Variants in CUX2 observed in about 807,000 individuals in gnomAD.
The protein encoded by CUX2 is homeobox protein cut-like 2.
In CUX2, 40 loss-of-function variants were observed where a neutral mutation model predicts 144.8. The observed-to-expected ratio is 0.28, with a 90% CI of 0.21 to 0.36. The LOEUF (loss-of-function observed/expected upper bound fraction) is 0.36, where lower values mean the gene tolerates loss of function less well. Among genes scored for constraint, CUX2 ranks in the 10% least tolerant of loss-of-function variants. CUX2 has a pLI of 1.00. For synonymous variants in CUX2, 827 were observed against 875.6 expected (o/e 0.94, Z 0.98); for missense variants, 1,615 against 1,994.0 (o/e 0.81, Z 3.62).
chr12:111,126,053 C>T (rs7974793), intron 1 of CUX2, among the ~76,000 whole-genome samples: 2 of 138,692 alleles, frequency 1.4e-5, no homozygotes, highest in East Asian at 2.0e-4. Context: ...GTGGGGGGGG[C>T]GGATTTATTA....
intron 1 of CUX2, among the ~76,000 whole-genome samples, chr12:111,045,068 C>T (rs1019416999): frequency 2.0e-5 from 3 of 152,202 alleles, no homozygotes; most frequent in Non-Finnish European, 4.4e-5. Context: ...AGATGGCTGT[C>T]ATCCAGGACA....
chr12:111,078,743 C>T (rs1043731801), intron 1 of CUX2, among the ~76,000 whole-genome samples: 6 of 152,020 alleles, frequency 3.9e-5, no homozygotes, highest in African/African-American at 1.4e-4. Flanking sequence ...AGGTTTTGAA[C>T]AGGGGGGTGG....
rs1878959159 is a variant in CUX2 at position 111,178,009 on chromosome 12, A to G, written c.64-36191A>G. 6.6e-6 allele frequency among the ~76,000 whole-genome samples: 1 copy of G among 152,248 alleles called. No homozygotes were observed. Among genetic ancestry groups the G allele is most frequent in the African/African-American group, 2.4e-5 (1 of 41,464 alleles). On this transcript the variant is annotated intron_variant, in intron 1 of 21. Transcript: ENST00000261726. This position sits in a 1 kb window ranked among gnomAD's most constrained non-coding sequence, Gnocchi z 5.7. ...TGTTTGTTCTTATTGTTGTTTGCCA[A>G]TAAGAAATACACATCCAAAGAATGA...
intron 3 of CUX2, among the ~76,000 whole-genome samples, chr12:111,224,562 C>T (rs1446162605): frequency 1.4e-5 from 2 of 142,600 alleles, no homozygotes; most frequent in African/African-American, 5.3e-5. Flanking sequence ...TTTGCTCTTC[C>T]AGCTGTCTTT....
chr12:111,308,158 AT>A (rs1213649842), intron 12 of CUX2, 126 bp from the exon 13 acceptor site: 2 of 1,040,156 alleles, frequency 1.9e-6, no homozygotes, highest in Non-Finnish European at 2.9e-6. Context: ...TGACTCTGGA[AT>A]TAATGGGGTT....
chr12:111,100,115 A>G (rs1437439307), intron 1 of CUX2: 1 of 454,718 alleles, frequency 2.2e-6, no homozygotes, highest in East Asian at 7.0e-5. Context: ...GGAGCTGCCC[A>G]GGGTGAGTGC....
chr12:111,322,632 G>A lies in CUX2; in HGVS notation c.2926+52G>A, dbSNP rs576685295. The A allele has an allele frequency of 1.3e-5, 21 of 1,580,776 alleles. No individual in the cohort carries two copies. The highest frequency in any genetic ancestry group is 5.7e-5 in the South Asian group (5 of 87,874). On this transcript the variant is annotated intron_variant, in intron 18 of 21. Transcript: ENST00000261726. This position sits in a 1 kb window ranked among gnomAD's most constrained non-coding sequence, Gnocchi z 4.2. Reference sequence around the variant, plus strand: ...GGGTGCTGGCAAACTTCCCACCTGCGCAGTGGCATGTCCGCCTGGCTTTAC... The same window carrying A: ...GGGTGCTGGCAAACTTCCCACCTGCACAGTGGCATGTCCGCCTGGCTTTAC...
In CUX2 at chr12:111,341,950, G is replaced by T; in HGVS notation, c.3556G>T (p.Ala1186Ser). 1.2e-6 allele frequency: 2 copies of T among 1,614,106 alleles called. No individual in the cohort carries two copies. Among genetic ancestry groups the T allele is most frequent in the Non-Finnish European group, 1.7e-6 (2 of 1,180,016 alleles). The part of the protein sequence containing the change: ...APEEKEALRK[A>S]YQLEPYPSQQ... ...CGAGGAGAAGGAGGCACTGCGGAAGGCCTATCAGCTGGAACCCTACCCCTC... is the reference window on the plus strand; with the variant it reads ...CGAGGAGAAGGAGGCACTGCGGAAGTCCTATCAGCTGGAACCCTACCCCTC... The change falls in exon 21 of 22, where the codon GCC becomes TCC. Residue 1186 changes from alanine to serine, a missense_variant. Ala to Ser is a moderately conservative substitution (Grantham distance 99). Coordinates refer to ENST00000261726, the MANE Select transcript of CUX2 (RefSeq NM_015267.4).
intron 3 of CUX2, among the ~76,000 whole-genome samples, chr12:111,223,224 ATGGAATCCTT>A (rs1881944835): frequency 6.6e-6 from 1 of 152,130 alleles, no homozygotes; most frequent in Non-Finnish European, 1.5e-5. Context: ...AGGATTCCGC[ATGGAATCCTT>A]TAAAGAAAGA....
rs1871103552 is a variant in CUX2, at chr12:111,068,269, T to G, written c.63+34029T>G. ...GGAGTTGCCCTCCCCACTTTCCCTCTTCCTTTTCTTTCTTTCTTGGATTTG... is the reference window on the plus strand; with the variant it reads ...GGAGTTGCCCTCCCCACTTTCCCTCGTCCTTTTCTTTCTTTCTTGGATTTG... On this transcript the variant is annotated intron_variant, in intron 1 of 21. Coordinates refer to ENST00000261726, the MANE Select transcript of CUX2 (RefSeq NM_015267.4). This position sits in a 1 kb window ranked among gnomAD's most constrained non-coding sequence, Gnocchi z 4.9. Among the ~76,000 whole-genome samples, 1 of 152,228 alleles carries G rather than the reference T, an allele frequency of 6.6e-6. No individual in the cohort carries two copies. Among genetic ancestry groups the G allele is most frequent in the Non-Finnish European group, 1.5e-5 (1 of 68,036 alleles).
At chr12:111,207,765 A>C (rs1394884134) in intron 1 of CUX2, among the ~76,000 whole-genome samples, 1 of 152,150 alleles carries the variant, frequency 6.6e-6, no homozygotes, top group Non-Finnish European at 1.5e-5. Context: ...TTCTGTGTAA[A>C]TGTTCTAGGG....
chr12:111,118,093 T>C (rs1041083951), intron 1 of CUX2, among the ~76,000 whole-genome samples: 1 of 152,300 alleles, frequency 6.6e-6, no homozygotes, highest in Admixed American at 6.5e-5. Flanking sequence ...GACTCCCAAC[T>C]CTTGGCCTCT....
At chr12:111,250,405 G>A (rs1305415561) in intron 3 of CUX2, among the ~76,000 whole-genome samples, 5 of 152,040 alleles carry the variant, frequency 3.3e-5, no homozygotes, top group Admixed American at 2.6e-4. Context: ...AGCCTCTCTG[G>A]GCCTCTAAAA....
At chr12:111,181,041 G>C (rs937993744) in intron 1 of CUX2, among the ~76,000 whole-genome samples, 2 of 152,252 alleles carry the variant, frequency 1.3e-5, no homozygotes, top group Admixed American at 1.3e-4. Flanking sequence ...AATAGTCTTT[G>C]CAGAGCTCCG....
chr12:111,269,752 G>A (rs4766567), intron 4 of CUX2, among the ~76,000 whole-genome samples: 32,134 of 152,006 alleles, frequency 0.21, 3,841 homozygotes, highest in East Asian at 0.43. Context: ...AAGGTCCCAA[G>A]ATTGCTGTGG....
chr12:111,105,229 G>T (rs1281893839), intron 1 of CUX2, among the ~76,000 whole-genome samples: 1 of 152,166 alleles, frequency 6.6e-6, no homozygotes, highest in Non-Finnish European at 1.5e-5. Flanking sequence ...ATTTATTTCT[G>T]CCTCTTCAGA....
chr12:111,251,129 C>T (rs1883539957), intron 3 of CUX2, among the ~76,000 whole-genome samples: 1 of 152,058 alleles, frequency 6.6e-6, no homozygotes, highest in Non-Finnish European at 1.5e-5. Context: ...TAAAAAAAGC[C>T]CTGGCTTATA....
chr12:111,273,480 G>T (rs961889879), intron 4 of CUX2, among the ~76,000 whole-genome samples: 1 of 152,114 alleles, frequency 6.6e-6, no homozygotes, highest in Non-Finnish European at 1.5e-5. Flanking sequence ...AGTTGCAAGA[G>T]GAATTTAAAA....
intron 1 of CUX2, among the ~76,000 whole-genome samples, chr12:111,201,231 G>A (rs1222715851): frequency 2.0e-5 from 3 of 152,078 alleles, no homozygotes; most frequent in African/African-American, 4.8e-5. Context: ...CTTCCCCTCC[G>A]CTGGTAGCAG....
Sources: gnomAD v4.1 joint callset for allele counts (sites outside exome capture counted in the v4.1 genomes callset) on GRCh38, gnomAD v4.1.1 for gene constraint, Gnocchi (gnomAD v3.1) non-coding constraint, MANE v1.5 for transcripts, NCBI Gene and HGNC (gene_info 2026-07-23, HGNC 2026-07-21) for gene names.